HIVEP1: variants seen among roughly 807,000 people sequenced by gnomAD.
HIVEP1 encodes HIVEP zinc finger 1.
Under a neutral mutation model 180.0 loss-of-function variants are expected in HIVEP1, and 36 were observed. That is an observed-to-expected ratio of 0.20 (90% confidence interval 0.15 to 0.26). The LOEUF (loss-of-function observed/expected upper bound fraction) is 0.26, where lower values mean the gene tolerates loss of function less well. Among genes scored for constraint, HIVEP1 ranks in the 10% least tolerant of loss-of-function variants. HIVEP1 has a pLI of 1.00. For synonymous variants in HIVEP1, 1,239 were observed against 1,239.0 expected, an observed-to-expected ratio of 1.00 and a Z score of 0.00; for missense variants, 3,143 against 3,268.7, an observed-to-expected ratio of 0.96 and a Z score of 0.94.
chr6:12,033,649 AATAAT>A (rs1769099429), intron 2 of HIVEP1, among the ~76,000 whole-genome samples: 1 of 152,156 alleles, frequency 6.6e-6, no homozygotes, highest in African/African-American at 2.4e-5. Context: ...AAACCCTCTT[AATAAT>A]ACTATATTTT....
At chr6:12,027,831 A>T (rs1279485736) in intron 2 of HIVEP1, among the ~76,000 whole-genome samples, 1 of 152,220 alleles carries the variant, frequency 6.6e-6, no homozygotes, top group Non-Finnish European at 1.5e-5. Flanking sequence ...TAAACATCCA[A>T]TATGTTTGAA....
chr6:12,018,739 C>T lies in HIVEP1; in HGVS notation c.40+3071C>T, dbSNP rs554477812. On this transcript the variant is annotated intron_variant, in intron 2 of 8. Coordinates refer to ENST00000379388, the MANE Select transcript of HIVEP1 (RefSeq NM_002114.4). ...CTGACAAGGCAAAGTGAGTGCATTT[C>T]ATCCTGGGGTAGCAGGTTGTGAAAT... 9.8e-5 allele frequency among the ~76,000 whole-genome samples: 15 copies of T among 152,302 alleles called. No individual in the cohort carries two copies. In the South Asian group the frequency reaches 3.1e-3, roughly 32 times the overall value.
intron 3 of HIVEP1, among the ~76,000 whole-genome samples, chr6:12,116,971 G>A (rs1444036898): frequency 6.6e-6 from 1 of 152,144 alleles, no homozygotes; most frequent in Non-Finnish European, 1.5e-5. Context: ...GGAATAAAAT[G>A]AGAACAAAAT....
In HIVEP1 at chr6:12,121,824, T is replaced by A; in HGVS notation, c.2029T>A (p.Ser677Thr). The change falls in exon 4 of 9, where the codon TCA (serine) becomes ACA (threonine). Residue 677 changes from serine to threonine, a missense_variant. This residue lies in a region of HIVEP1 where 365 missense variants were observed against 344.4 expected (regional missense o/e 1.06). Transcript: ENST00000379388. This position sits in a 1 kb window ranked among gnomAD's most constrained non-coding sequence, Gnocchi z 5.3. ...AGGAAGTACGGATTCTGGTTACTTT[T>A]CACGTTCTGAAAGTGCCGATCAAAC... ...SLGSTDSGYF[S>T]RSESADQTVS... The A allele has an allele frequency of 6.2e-7, 1 of 1,614,184 alleles. No homozygotes were observed. The highest frequency in any genetic ancestry group is 8.5e-7 in the Non-Finnish European group (1 of 1,180,040).
At position 12,161,461 on chromosome 6, in the gene HIVEP1, T is replaced by C. The variant is rs767534056; in HGVS notation, c.6510T>C (p.Tyr2170=). The C allele has an allele frequency of 2.5e-6, 4 of 1,613,346 alleles. No individual in the cohort carries two copies. In the South Asian group the frequency reaches 3.3e-5, roughly 13 times the overall value. Residue 2170 remains tyrosine, a synonymous_variant, in exon 8 of 9, where the codon TAT becomes TAC. Coordinates refer to ENST00000379388, the MANE Select transcript of HIVEP1 (RefSeq NM_002114.4). Reference sequence around the variant, plus strand: ...TAGATGAAAAACAGAGATTCAGTTATGAGCGATCTGGATATGATCTTGAAG... The same window carrying C: ...TAGATGAAAAACAGAGATTCAGTTACGAGCGATCTGGATATGATCTTGAAG... ...EESDEKQRFS[Y]ERSGYDLEES...
intron 7 of HIVEP1, among the ~76,000 whole-genome samples, chr6:12,150,700 C>T (rs1272342903): frequency 6.6e-6 from 1 of 152,078 alleles, no homozygotes; most frequent in Non-Finnish European, 1.5e-5. Context: ...GAATGACACG[C>T]ACGTGACACA....
Position 12,124,841 on chromosome 6 carries a change from A to G in HIVEP1, c.5046A>G (p.Glu1682=), listed in dbSNP as rs972476588. Residue 1682 remains glutamate (E), a synonymous_variant, in exon 4 of 9, where the codon GAA becomes GAG. Transcript: ENST00000379388. The part of the protein sequence containing the change: ...TNHSVVPISE[E]QNSVPTLQKG... ...ATAGTGTAGTGCCAATCAGTGAAGAACAAAATTCTGTGCCAACATTACAAA... is the reference window on the plus strand; with the variant it reads ...ATAGTGTAGTGCCAATCAGTGAAGAGCAAAATTCTGTGCCAACATTACAAA... The G allele has an allele frequency of 4.3e-6, 7 of 1,614,240 alleles. No homozygotes were observed. The highest frequency in any genetic ancestry group is 5.9e-6 in the Non-Finnish European group (7 of 1,180,044).
chr6:12,020,214 G>C (rs751397686), intron 2 of HIVEP1: 1 of 433,074 alleles, frequency 2.3e-6, no homozygotes, highest in South Asian at 1.8e-5. Context: ...AAACCAGATA[G>C]AATCAGTTCT....
chr6:12,122,828 A>G lies in HIVEP1; in HGVS notation c.3033A>G (p.Leu1011=). 2 of 1,614,102 alleles carry G rather than the reference A, an allele frequency of 1.2e-6. No homozygotes were observed. Among genetic ancestry groups the G allele is most frequent in the South Asian group, 1.1e-5 (1 of 91,066 alleles). ...PVPGGLQPQI[L]HYRVAGSSGI... ...CCGGCGGTCTGCAGCCTCAGATTCT[A>G]CACTACAGAGTCGCTGGGTCCTCCG... The change falls in exon 4 of 9, where the codon CTA becomes CTG. Residue 1011 remains leucine (L), a synonymous_variant. Transcript: ENST00000379388.
At chr6:12,135,702 G>A in intron 6 of HIVEP1, 89 bp from the exon 7 acceptor site, 1 of 792,512 alleles carries the variant, frequency 1.3e-6, no homozygotes, top group Non-Finnish European at 2.1e-6. Flanking sequence ...CTGTACTTTT[G>A]CTTGAATAGG....
the HIVEP1 span, among the ~76,000 whole-genome samples, chr6:12,173,068 C>G: frequency 6.6e-6 from 1 of 152,110 alleles, no homozygotes; most frequent in South Asian, 2.1e-4. Flanking sequence ...GATAAAAGAG[C>G]AATCCAAAGT....
chr6:12,110,516 T>C (rs1336235175), intron 3 of HIVEP1, among the ~76,000 whole-genome samples: 1 of 152,258 alleles, frequency 6.6e-6, no homozygotes, highest in East Asian at 1.9e-4. Flanking sequence ...ATGGCCTCTT[T>C]CCTTAAATCT....
chr6:12,136,069 T>C (rs1459885355), intron 7 of HIVEP1, among the ~76,000 whole-genome samples, 177 bp downstream of exon 7: 4 of 152,204 alleles, frequency 2.6e-5, no homozygotes, highest in Non-Finnish European at 5.9e-5. Context: ...TCCTCCTTCC[T>C]ATTCATCTAT....
chr6:12,011,281 CCCCGCCTCCCCCT>C (rs1469620280), upstream of HIVEP1, among the ~76,000 whole-genome samples: 15 of 106,026 alleles, frequency 1.4e-4, no homozygotes, highest in African/African-American at 5.2e-4. Context: ...CCCCCCCCCC[CCCCGCCTCCCCCT>C]CCCCCATTCT....
chr6:12,114,525 T>C (rs1383487726), intron 3 of HIVEP1, among the ~76,000 whole-genome samples: 1 of 152,128 alleles, frequency 6.6e-6, no homozygotes, highest in Non-Finnish European at 1.5e-5. Flanking sequence ...ATATTCTCTT[T>C]GGCTTATCAT....
the HIVEP1 span, among the ~76,000 whole-genome samples, chr6:12,180,805 T>C: frequency 1.7e-3 from 255 of 152,332 alleles, no homozygotes; most frequent in Non-Finnish European, 2.6e-3. Context: ...CGTGAACATA[T>C]CTTTGTTTTC....
intron 7 of HIVEP1, among the ~76,000 whole-genome samples, chr6:12,139,449 C>G (rs1758882068): frequency 2.6e-5 from 4 of 152,186 alleles, no homozygotes; most frequent in Admixed American, 6.5e-5. Context: ...TCTGCATTTC[C>G]AACTGAGGTA....
rs1437756025 is a variant in HIVEP1 at position 12,123,551 on chromosome 6, T to C, written c.3756T>C (p.His1252=). The C allele has an allele frequency of 3.1e-6, 5 of 1,614,100 alleles. No homozygotes were observed. The highest frequency in any genetic ancestry group is 1.7e-5 in the Admixed American group (1 of 60,022). ...EPDRDLEAQC[H]DQEKSEKFSW... Reference sequence around the variant, plus strand: ...ATCGAGACCTGGAAGCTCAATGCCATGATCAAGAAAAGTCAGAGAAGTTCA... The same window carrying C: ...ATCGAGACCTGGAAGCTCAATGCCACGATCAAGAAAAGTCAGAGAAGTTCA... The change falls in exon 4 of 9, where the codon CAT becomes CAC. Residue 1252 remains histidine (H), a synonymous_variant. Transcript: ENST00000379388.
chr6:12,011,270 T>TGCCCCCCC (rs1767268015), upstream of HIVEP1, among the ~76,000 whole-genome samples: 2 of 71,632 alleles, frequency 2.8e-5, no homozygotes, highest in South Asian at 5.3e-4. Context: ...CCCCTTGGGG[T>TGCCCCCCC]CCCCCCCCCC....
Sources: allele counts gnomAD v4.1 joint callset (sites outside exome capture counted in the v4.1 genomes callset), GRCh38; gene constraint gnomAD v4.1.1; regional missense constraint gnomAD v4.1.1; non-coding constraint Gnocchi (gnomAD v3.1); transcripts MANE v1.5; gene names NCBI Gene and HGNC (gene_info 2026-07-23, HGNC 2026-07-21).